Variants in IL1RAPL2 observed in about 807,000 individuals in gnomAD.
IL1RAPL2 encodes the protein interleukin 1 receptor accessory protein like 2.
Under a neutral mutation model 44.1 loss-of-function variants are expected in IL1RAPL2, and 3 were observed. The observed-to-expected ratio is 0.07, with a 90% CI of 0.03 to 0.18. The LOEUF (loss-of-function observed/expected upper bound fraction) is 0.18. Among genes scored for constraint, IL1RAPL2 ranks in the 10% least tolerant of loss-of-function variants. The probability of loss-of-function intolerance (pLI) is 1.00; values close to 1 mark genes in which losing one functional copy is unlikely to be tolerated. For missense variants in IL1RAPL2, 391 were observed against 496.4 expected, an observed-to-expected ratio of 0.79 and a Z score of 2.02; for synonymous variants, 181 against 178.8, an observed-to-expected ratio of 1.01 and a Z score of -0.10.
chrX:105,079,347 C>A (rs1318172653), intron 2 of IL1RAPL2, among the ~76,000 whole-genome samples: 1 of 109,261 alleles, frequency 9.2e-6, no homozygotes, highest in African/African-American at 3.3e-5. Flanking sequence ...ATAAATCATT[C>A]TACTATAAAG....
At chrX:105,329,011 G>A (rs1002557480) in intron 5 of IL1RAPL2, among the ~76,000 whole-genome samples, 5 of 112,486 alleles carry the variant, frequency 4.4e-5, no homozygotes, top group African/African-American at 1.6e-4. Flanking sequence ...GCTGACTGGT[G>A]TTTATCACAA....
intron 6 of IL1RAPL2, among the ~76,000 whole-genome samples, chrX:105,488,237 T>G (rs2036284673): frequency 8.9e-6 from 1 of 112,003 alleles, no homozygotes. Flanking sequence ...GTTCTGAAAT[T>G]TTAGAGGCTG....
At chrX:105,491,010 A>T (rs1424437045) in intron 6 of IL1RAPL2, among the ~76,000 whole-genome samples, 1 of 111,975 alleles carries the variant, frequency 8.9e-6, no homozygotes, top group Non-Finnish European at 1.9e-5. Context: ...CAAGAATAGA[A>T]CCTTTTGAAA....
intron 5 of IL1RAPL2, among the ~76,000 whole-genome samples, chrX:105,418,270 T>C (rs2035748654): frequency 9.0e-6 from 1 of 110,859 alleles, no homozygotes; most frequent in Non-Finnish European, 1.9e-5. Flanking sequence ...TTGTGACAAA[T>C]ACCCTAAAAG....
intron 2 of IL1RAPL2, among the ~76,000 whole-genome samples, chrX:104,669,766 T>C (rs375210343): frequency 3.6e-5 from 4 of 112,163 alleles, no homozygotes; most frequent in African/African-American, 1.3e-4. Flanking sequence ...CTGAGTTACA[T>C]GCATTATTTT....
chrX:105,120,146 T>C (rs1418654315), intron 2 of IL1RAPL2, among the ~76,000 whole-genome samples: 3 of 107,991 alleles, frequency 2.8e-5, no homozygotes, highest in Non-Finnish European at 5.7e-5. Context: ...ATTTGTGAAA[T>C]GTGGGGCTGC....
chrX:104,662,364 A>T (rs1034087227), intron 2 of IL1RAPL2, among the ~76,000 whole-genome samples: 11 of 112,020 alleles, frequency 9.8e-5, no homozygotes, highest in African/African-American at 2.9e-4. Context: ...ATTTAATTTT[A>T]AGGACTATAG....
At chrX:105,058,645 C>A (rs990699525) in intron 2 of IL1RAPL2, among the ~76,000 whole-genome samples, 4 of 111,661 alleles carry the variant, frequency 3.6e-5, no homozygotes, top group Admixed American at 9.5e-5. Flanking sequence ...ATGTTGGAAA[C>A]AAGGGCAACT....
At chrX:105,029,543 T>C (rs1228546134) in intron 2 of IL1RAPL2, among the ~76,000 whole-genome samples, 1 of 107,317 alleles carries the variant, frequency 9.3e-6, no homozygotes, top group African/African-American at 3.4e-5. Flanking sequence ...AGAATGATGG[T>C]TTCCAGTTTC....
chrX:105,414,548 C>T (rs1043307850), intron 5 of IL1RAPL2, among the ~76,000 whole-genome samples: 1 of 111,990 alleles, frequency 8.9e-6, no homozygotes, highest in Non-Finnish European at 1.9e-5. Flanking sequence ...CCTGTTTAGC[C>T]TCATCTTTTG....
At chrX:105,714,256 C>T (rs1010226107) in intron 6 of IL1RAPL2, among the ~76,000 whole-genome samples, 10 of 111,815 alleles carry the variant, frequency 8.9e-5, no homozygotes, top group Admixed American at 8.6e-4. Context: ...ACTTTCCCTA[C>T]AGCTCTCCTC....
At chrX:105,485,198 A>C (rs1043438577) in intron 6 of IL1RAPL2, among the ~76,000 whole-genome samples, 2 of 111,816 alleles carry the variant, frequency 1.8e-5, no homozygotes, top group African/African-American at 6.5e-5. Context: ...GCTTACACTG[A>C]ATATATGATT....
chrX:105,437,019 A>T (rs932589626), intron 5 of IL1RAPL2, among the ~76,000 whole-genome samples: 1 of 90,830 alleles, frequency 1.1e-5, no homozygotes, highest in Non-Finnish European at 2.0e-5. Context: ...TTGTAAAAAT[A>T]TAAACGTATA....
intron 2 of IL1RAPL2, among the ~76,000 whole-genome samples, chrX:104,679,692 T>A (rs1930857090): frequency 8.9e-6 from 1 of 112,006 alleles, no homozygotes; most frequent in Non-Finnish European, 1.9e-5. Flanking sequence ...TTTGCTGCTC[T>A]TGGTAAGAGC....
At chrX:105,190,988 C>T (rs986575612) in intron 2 of IL1RAPL2, among the ~76,000 whole-genome samples, 1 of 111,941 alleles carries the variant, frequency 8.9e-6, no homozygotes, top group Admixed American at 9.4e-5. Context: ...CTAATTTTTA[C>T]TCCTAGGAAT....
intron 6 of IL1RAPL2, among the ~76,000 whole-genome samples, chrX:105,606,688 T>C (rs1399401066): frequency 8.9e-6 from 1 of 111,879 alleles, no homozygotes; most frequent in African/African-American, 3.2e-5. Context: ...TAATATCACA[T>C]ATATACAGAA....
In IL1RAPL2 at chrX:105,538,288, G is replaced by A. The variant is rs1160850946; in HGVS notation, c.772+53901G>A. ...CCTGACCTCGTGATCTGCCCACCTC[G>A]GCCTCCCAAAGTGCTGGGATTACAG... is the stretch of plus-strand genomic sequence containing the variant. On this transcript the variant is annotated intron_variant, in intron 6 of 10. Coordinates refer to ENST00000372582, the MANE Select transcript of IL1RAPL2 (RefSeq NM_017416.2). Among the ~76,000 whole-genome samples the A allele has an allele frequency of 3.7e-5, 4 of 109,304 alleles. No individual in the cohort carries two copies. The Admixed American group carries it at 3.9e-4, about 11-fold the overall frequency. The allele number at this position is 109,304 out of a possible 115,157, so 94.9% of individuals were successfully genotyped here. A position where few individuals can be genotyped will look rare whatever the true frequency, so the allele number is the denominator to read the frequency against.
chrX:104,827,225 G>C (rs1262440746), intron 2 of IL1RAPL2, among the ~76,000 whole-genome samples: 1 of 110,289 alleles, frequency 9.1e-6, no homozygotes, highest in East Asian at 2.9e-4. Flanking sequence ...TAGTACTGAT[G>C]GTCTTTACAT....
chrX:105,327,418 T>C (rs186712210), intron 5 of IL1RAPL2, among the ~76,000 whole-genome samples: 2 of 112,115 alleles, frequency 1.8e-5, no homozygotes, highest in African/African-American at 6.5e-5. Flanking sequence ...TTCAGTCTTA[T>C]AATGTCTGTA....
Sources: allele counts gnomAD v4.1 joint callset (sites outside exome capture counted in the v4.1 genomes callset), GRCh38; gene constraint gnomAD v4.1.1; transcripts MANE v1.5; gene names NCBI Gene and HGNC (gene_info 2026-07-23, HGNC 2026-07-21).